The following GPATCH2 variants were observed in gnomAD, a reference collection of about 807,000 sequenced individuals.
GPATCH2 encodes G-patch domain containing 2.
GPATCH2 carries 51 observed loss-of-function variants against 58.0 expected under a neutral mutation model. The observed-to-expected ratio is 0.88, with a 90% CI of 0.70 to 1.11. The LOEUF (loss-of-function observed/expected upper bound fraction) is 1.11. GPATCH2 is among the 50% of genes most tolerant of loss of function. The pLI, the probability that GPATCH2 is intolerant of heterozygous loss-of-function variation, is 0.00. For synonymous variants in GPATCH2, 222 were observed against 218.5 expected (o/e 1.02, Z -0.14); for missense variants, 625 against 652.2 (o/e 0.96, Z 0.45).
At chr1:217,625,264 T>C (rs1365393528) in intron 1 of GPATCH2, among the ~76,000 whole-genome samples, 1 of 152,188 alleles carries the variant, frequency 6.6e-6, no homozygotes, top group African/African-American at 2.4e-5. Flanking sequence ...CGTTTAAGAA[T>C]AAGACCAATC....
intron 5 of GPATCH2, among the ~76,000 whole-genome samples, chr1:217,549,303 CTT>C (rs1169899272): frequency 6.6e-6 from 1 of 152,070 alleles, no homozygotes; most frequent in Non-Finnish European, 1.5e-5. Flanking sequence ...TAATTATAAA[CTT>C]ATATTTCTCA....
intron 1 of GPATCH2, among the ~76,000 whole-genome samples, chr1:217,625,592 G>T (rs1669413482): frequency 6.6e-6 from 1 of 152,116 alleles, no homozygotes; most frequent in Non-Finnish European, 1.5e-5. Context: ...ATATAGAAAA[G>T]TTAGTCAGGG....
At chr1:217,507,976 G>A (rs945778978) in intron 6 of GPATCH2, among the ~76,000 whole-genome samples, 4 of 151,950 alleles carry the variant, frequency 2.6e-5, no homozygotes, top group African/African-American at 9.7e-5. Context: ...ATAAAATACA[G>A]TGTACAATAT....
intron 5 of GPATCH2, among the ~76,000 whole-genome samples, chr1:217,515,387 C>T (rs1482150572): frequency 2.0e-5 from 3 of 151,984 alleles, no homozygotes; most frequent in Admixed American, 6.5e-5. Context: ...TGAGCCACCG[C>T]GCCCGACTCC....
intron 8 of GPATCH2, among the ~76,000 whole-genome samples, chr1:217,462,348 G>C (rs1291277703): frequency 6.6e-6 from 1 of 152,140 alleles, no homozygotes; most frequent in East Asian, 1.9e-4. Context: ...GATCAGGTTA[G>C]TCATGATTGC....
chr1:217,470,641 A>G (rs1439658676), intron 8 of GPATCH2, among the ~76,000 whole-genome samples: 4 of 152,190 alleles, frequency 2.6e-5, no homozygotes, highest in Non-Finnish European at 4.4e-5. Context: ...AAGGACAGGA[A>G]GCATGAGAAC....
chr1:217,545,717 G>A (rs1271718609), intron 5 of GPATCH2, among the ~76,000 whole-genome samples: 1 of 152,132 alleles, frequency 6.6e-6, no homozygotes, highest in Non-Finnish European at 1.5e-5. Context: ...CCAGGGAATC[G>A]TGAGGTCAAA....
intron 6 of GPATCH2, among the ~76,000 whole-genome samples, chr1:217,513,963 T>C (rs1558447742): frequency 1.3e-5 from 2 of 151,842 alleles, no homozygotes; most frequent in Non-Finnish European, 2.9e-5. Flanking sequence ...TAGCTGGGAC[T>C]ACAGGCATGC....
chr1:217,598,506 G>A (rs1447136813), intron 5 of GPATCH2, among the ~76,000 whole-genome samples: 2 of 151,806 alleles, frequency 1.3e-5, no homozygotes, highest in African/African-American at 4.8e-5. Flanking sequence ...TGGATGGAGT[G>A]CAGTGGCGCA....
At chr1:217,602,268 TCCACA>T (rs1186555527) in intron 5 of GPATCH2, among the ~76,000 whole-genome samples, 2 of 152,058 alleles carry the variant, frequency 1.3e-5, no homozygotes, top group Non-Finnish European at 2.9e-5. Context: ...TACACACCAC[TCCACA>T]CAAGCATATC....
intron 9 of GPATCH2, among the ~76,000 whole-genome samples, chr1:217,442,848 T>C (rs1032473792): frequency 2.0e-5 from 3 of 152,200 alleles, no homozygotes; most frequent in Non-Finnish European, 4.4e-5. Flanking sequence ...TGATTACTAA[T>C]ATACCTAGAT....
At chr1:217,454,588 CAAAAAAAA>C (rs34571192) in intron 8 of GPATCH2, among the ~76,000 whole-genome samples, 7 of 59,614 alleles carry the variant, frequency 1.2e-4, no homozygotes, top group African/African-American at 5.4e-4. Context: ...GACTCTGTCT[CAAAAAAAA>C]AAAAAAAAAA....
At chr1:217,457,817 T>G (rs1660013028) in intron 8 of GPATCH2, among the ~76,000 whole-genome samples, 1 of 152,190 alleles carries the variant, frequency 6.6e-6, no homozygotes, top group Admixed American at 6.5e-5. Flanking sequence ...TCATTTTCAT[T>G]TCAAAAACTC....
chr1:217,428,490 T>C lies in GPATCH2; in HGVS notation c.*2655A>G, dbSNP rs1658404922. 6.6e-6 allele frequency: 1 copy of C among 152,188 alleles called. No individual in the cohort carries two copies. Among genetic ancestry groups the C allele is most frequent in the Non-Finnish European group, 1.5e-5 (1 of 68,036 alleles). The allele number at this position is 152,188 out of a possible 1,614,324, so 9.4% of individuals were successfully genotyped here. ...AAAATTCGTATTTTAATTGCGTTTG[T>C]TTCTCCAATTAAGTTCAGGTACAAC... is the stretch of plus-strand genomic sequence containing the variant. On this transcript the variant is annotated 3_prime_UTR_variant, in exon 10 of 10. Coordinates refer to ENST00000366935, the MANE Select transcript of GPATCH2 (RefSeq NM_018040.5).
chr1:217,585,137 G>A (rs1033367210), intron 5 of GPATCH2, among the ~76,000 whole-genome samples: 1 of 151,788 alleles, frequency 6.6e-6, no homozygotes, highest in African/African-American at 2.4e-5. Flanking sequence ...GTCTGTTTGG[G>A]TACTATTTAT....
chr1:217,540,238 G>C lies in GPATCH2; in HGVS notation c.1099-25349C>G, dbSNP rs113103716. ...GAAGGAAGGAAAGGAAGGAGGGAGG[G>C]AGGGAGAAAAACCAGACAGATGAAC... On this transcript the variant is annotated intron_variant, in intron 5 of 9. Coordinates refer to ENST00000366935, the MANE Select transcript of GPATCH2 (RefSeq NM_018040.5). 4.7e-3 allele frequency among the ~76,000 whole-genome samples: 709 copies of C among 152,228 alleles called. 5 individuals are homozygous for C. The highest frequency in any genetic ancestry group is 0.016 in the African/African-American group (676 of 41,540).
At chr1:217,582,756 C>A (rs1416264410) in intron 5 of GPATCH2, among the ~76,000 whole-genome samples, 1 of 152,182 alleles carries the variant, frequency 6.6e-6, no homozygotes, top group Non-Finnish European at 1.5e-5. Flanking sequence ...GCCAGCAGGT[C>A]AGTAAACAGA....
intron 5 of GPATCH2, among the ~76,000 whole-genome samples, chr1:217,537,515 C>T (rs991633368): frequency 6.6e-6 from 1 of 152,072 alleles, no homozygotes; most frequent in Non-Finnish European, 1.5e-5. Flanking sequence ...TTCTAAAACC[C>T]TGTCTCTCCT....
At chr1:217,572,741 C>T (rs1436131145) in intron 5 of GPATCH2, among the ~76,000 whole-genome samples, 1 of 152,160 alleles carries the variant, frequency 6.6e-6, no homozygotes, top group Non-Finnish European at 1.5e-5. Flanking sequence ...GTTCCACCCC[C>T]AGAGGTTATG....
Sources: gnomAD v4.1 joint callset for allele counts (sites outside exome capture counted in the v4.1 genomes callset) on GRCh38, gnomAD v4.1.1 for gene constraint, MANE v1.5 for transcripts, NCBI Gene and HGNC (gene_info 2026-07-23, HGNC 2026-07-21) for gene names.